PRMT3: variants seen among roughly 807,000 people sequenced by gnomAD.
PRMT3 encodes the protein protein arginine N-methyltransferase 3.
PRMT3 carries 62 observed loss-of-function variants against 71.9 expected under a neutral mutation model. The ratio of observed to expected loss-of-function variants is 0.86; its 90% CI spans 0.70 to 1.07. PRMT3 has a LOEUF of 1.07. PRMT3 is among the 50% of genes least tolerant of loss of function. PRMT3 has a pLI of 0.00. For synonymous variants in PRMT3, 213 were observed against 220.4 expected (o/e 0.97, Z 0.30); for missense variants, 663 against 643.0 (o/e 1.03, Z -0.34).
At chr11:20,404,223 T>TTTA (rs1565196810) in intron 8 of PRMT3, among the ~76,000 whole-genome samples, 28 of 83,528 alleles carry the variant, frequency 3.4e-4, no homozygotes, top group African/African-American at 1.4e-3. Context: ...TTTTTTTTTT[T>TTTA]TTTTTTTTTT....
In PRMT3 at chr11:20,407,945, T is replaced by G; in HGVS notation, c.806T>G (p.Leu269Arg). Reference sequence around the variant, plus strand: ...GATGTTGGGTGTGGAACTGGAATTCTCTCTATGTTTGCTGCTAAAGCTGGG... The same window carrying G: ...GATGTTGGGTGTGGAACTGGAATTCGCTCTATGTTTGCTGCTAAAGCTGGG... The part of the protein sequence containing the change: ...VLDVGCGTGI[L>R]SMFAAKAGAK... Residue 269 changes from leucine to arginine, a missense_variant, in exon 9 of 16, where the codon CTC becomes CGC. Coordinates refer to ENST00000331079, the MANE Select transcript of PRMT3 (RefSeq NM_005788.4). The G allele has an allele frequency of 6.2e-7, 1 of 1,611,454 alleles. No homozygotes were observed. Among genetic ancestry groups the G allele is most frequent in the Middle Eastern group, 1.7e-4 (1 of 6,058 alleles).
chr11:20,486,359 A>G (rs1384289354), intron 13 of PRMT3, among the ~76,000 whole-genome samples: 1 of 152,196 alleles, frequency 6.6e-6, no homozygotes, highest in Non-Finnish European at 1.5e-5. Context: ...CCACACCTAG[A>G]CATATCCTAG....
intron 10 of PRMT3, 32 bp from the exon 11 acceptor site, chr11:20,452,098 C>T: frequency 6.7e-7 from 1 of 1,496,846 alleles, no homozygotes; most frequent in African/African-American, 1.4e-5. Flanking sequence ...TTGCACATTT[C>T]TAAACTCTTT....
chr11:20,508,149 T>TA (rs11338942), intron 15 of PRMT3, among the ~76,000 whole-genome samples, 155 bp from the exon 16 acceptor site: 3,246 of 122,760 alleles, frequency 0.026, 130 homozygotes, highest in African/African-American at 0.092. Context: ...GACTCCATCT[T>TA]AAAAAAAAAA....
intron 13 of PRMT3, among the ~76,000 whole-genome samples, chr11:20,473,703 A>G (rs1268316127): frequency 6.6e-6 from 1 of 152,018 alleles, no homozygotes; most frequent in Non-Finnish European, 1.5e-5. Flanking sequence ...AGCTCAGCAA[A>G]GTTCATTATT....
Position 20,397,722 on chromosome 11 carries a change from G to A in PRMT3, c.705+1G>A. 6.2e-7 allele frequency: 1 copy of A among 1,612,948 alleles called. No individual in the cohort carries two copies. Among genetic ancestry groups the A allele is most frequent in the Non-Finnish European group, 8.5e-7 (1 of 1,179,618 alleles). On this transcript the variant is annotated splice_donor_variant, in intron 7 of 15. Coordinates refer to ENST00000331079, the MANE Select transcript of PRMT3 (RefSeq NM_005788.4). LOFTEE classifies it high-confidence loss of function. Reference sequence around the variant, plus strand: ...TGGGATACATGAAGAAATGCTAAAGGTTAGAAAAGAACACAAATGCGTCAA... The same window carrying A: ...TGGGATACATGAAGAAATGCTAAAGATTAGAAAAGAACACAAATGCGTCAA...
At chr11:20,506,112 G>A (rs745846121) in intron 15 of PRMT3, among the ~76,000 whole-genome samples, 58 of 152,178 alleles carry the variant, frequency 3.8e-4, no homozygotes, top group Non-Finnish European at 7.1e-4. Context: ...AGGAAAATGC[G>A]CTTACCTCAT....
chr11:20,425,822 C>T (rs1439962777), intron 9 of PRMT3, among the ~76,000 whole-genome samples: 1 of 152,102 alleles, frequency 6.6e-6, no homozygotes, highest in East Asian at 1.9e-4. Flanking sequence ...TGGTGGTCAA[C>T]AAAGTATCTG....
chr11:20,459,342 T>C (rs553217883), intron 11 of PRMT3, among the ~76,000 whole-genome samples: 8 of 152,286 alleles, frequency 5.3e-5, no homozygotes, highest in Non-Finnish European at 8.8e-5. Context: ...CCATTAACTA[T>C]ATAGTGTGAA....
intron 6 of PRMT3, 73 bp from the exon 7 acceptor site, chr11:20,397,504 C>T: frequency 6.7e-7 from 1 of 1,502,656 alleles, no homozygotes; most frequent in Non-Finnish European, 9.1e-7. Context: ...TTTCCTCTTC[C>T]TCAACCTCTA....
chr11:20,503,367 A>G (rs1247400657), intron 15 of PRMT3, among the ~76,000 whole-genome samples: 9 of 152,134 alleles, frequency 5.9e-5, no homozygotes, highest in African/African-American at 9.7e-5. Context: ...ACATTTTTAA[A>G]CAAATAATTT....
chr11:20,453,512 CATAA>C (rs1850200429), intron 11 of PRMT3, among the ~76,000 whole-genome samples: 1 of 150,660 alleles, frequency 6.6e-6, no homozygotes, highest in South Asian at 2.1e-4. Flanking sequence ...AAGGCCAAAA[CATAA>C]ATACAGAGAA....
intron 15 of PRMT3, among the ~76,000 whole-genome samples, chr11:20,502,417 A>G (rs558805045): frequency 6.6e-6 from 1 of 152,334 alleles, no homozygotes; most frequent in Admixed American, 6.5e-5. Context: ...ATGATTATGG[A>G]AAAGATTTAC....
intron 13 of PRMT3, among the ~76,000 whole-genome samples, chr11:20,478,905 G>C (rs1406525642): frequency 6.6e-6 from 1 of 152,082 alleles, no homozygotes; most frequent in Non-Finnish European, 1.5e-5. Context: ...AGTACTTTTT[G>C]TTGTAAGTTG....
At chr11:20,404,224 T>TGTTTTGTTTTGTTTTG (rs761868811) in intron 8 of PRMT3, among the ~76,000 whole-genome samples, 57 of 95,180 alleles carry the variant, frequency 6.0e-4, no homozygotes, top group Admixed American at 1.3e-3. Context: ...TTTTTTTTTT[T>TGTTTTGTTTTGTTTTG]TTTTTTTTTT....
At chr11:20,500,582 C>A (rs1476946863) in intron 15 of PRMT3, among the ~76,000 whole-genome samples, 1 of 152,110 alleles carries the variant, frequency 6.6e-6, no homozygotes, top group Non-Finnish European at 1.5e-5. Flanking sequence ...CAGAAATAGA[C>A]CTGCTCTTGT....
chr11:20,457,678 C>T (rs1386322247), intron 11 of PRMT3, among the ~76,000 whole-genome samples: 1 of 152,164 alleles, frequency 6.6e-6, no homozygotes, highest in African/African-American at 2.4e-5. Flanking sequence ...TGAATTTAAG[C>T]ATTGTGGTAT....
At chr11:20,416,036 A>G (rs1352842919) in intron 9 of PRMT3, among the ~76,000 whole-genome samples, 1 of 152,086 alleles carries the variant, frequency 6.6e-6, no homozygotes, top group African/African-American at 2.4e-5. Flanking sequence ...AGTATCCTTA[A>G]TGTTTCTCAA....
At chr11:20,489,969 G>A (rs1285272328) in intron 13 of PRMT3, among the ~76,000 whole-genome samples, 4 of 148,816 alleles carry the variant, frequency 2.7e-5, no homozygotes, top group African/African-American at 1.0e-4. Context: ...AGAAAAAAAG[G>A]TAACACCACA....
Sources: gnomAD v4.1 joint callset for allele counts (sites outside exome capture counted in the v4.1 genomes callset) on GRCh38, gnomAD v4.1.1 for gene constraint, MANE v1.5 for transcripts, NCBI Gene and HGNC (gene_info 2026-07-23, HGNC 2026-07-21) for gene names.